DOHH: variants seen among roughly 807,000 people sequenced by gnomAD.
DOHH encodes deoxyhypusine hydroxylase, also known as HEAT-like (PBS lyase) repeat containing 1.
DOHH carries 16 observed loss-of-function variants against 19.9 expected under a neutral mutation model. The observed-to-expected ratio is 0.80, with a 90% CI of 0.54 to 1.22. The LOEUF is 1.22. Among genes scored for constraint, DOHH ranks in the 50% most tolerant of loss-of-function variants. The pLI is 0.00. For missense variants in DOHH, 460 were observed against 460.6 expected, an observed-to-expected ratio of 1.00 and a Z score of 0.01; for synonymous variants, 233 against 217.0, an observed-to-expected ratio of 1.07 and a Z score of -0.65.
Position 3,491,417 on chromosome 19 carries a change from G to C in DOHH, c.*75C>G. 7.0e-7 allele frequency: 1 copy of C among 1,436,052 alleles called. No homozygotes were observed. 89.0% of individuals were successfully genotyped at this position (1,436,052 alleles called of 1,614,324 possible). ...GATGACACCGATTTACACACACCCG[G>C]TTTAGACGCCAAAGCTCTGCGGGGG... is the stretch of plus-strand genomic sequence containing the variant. On this transcript the variant is annotated 3_prime_UTR_variant, in exon 5 of 5. Coordinates refer to ENST00000427575, the MANE Select transcript of DOHH (RefSeq NM_001145165.2). This position sits in a 1 kb window ranked among gnomAD's most constrained non-coding sequence, Gnocchi z 5.6.
At chr19:3,499,232 A>C (rs1373160505) in intron 1 of DOHH, among the ~76,000 whole-genome samples, 3 of 152,114 alleles carry the variant, frequency 2.0e-5, no homozygotes, top group Non-Finnish European at 4.4e-5. Flanking sequence ...TCACTTCCTC[A>C]TGGAAGCCTT....
chr19:3,496,915 A>G lies in DOHH; in HGVS notation c.-72-29T>C. On this transcript the variant is annotated intron_variant, in intron 1 of 4. Coordinates refer to ENST00000427575, the MANE Select transcript of DOHH (RefSeq NM_001145165.2). The surrounding 1 kb of genome is among the most constrained non-coding windows in gnomAD (Gnocchi z 4.8). ...TGGCAGAAAAATGAGAGCCCAGGTT[A>G]GAAGCCCCCTTCACCAGTGCGTTGT... 6.6e-6 allele frequency: 9 copies of G among 1,356,684 alleles called. No individual in the cohort carries two copies. Among genetic ancestry groups the G allele is most frequent in the Non-Finnish European group, 6.7e-6 (7 of 1,047,162 alleles). 84.0% of individuals were successfully genotyped at this position (1,356,684 alleles called of 1,614,324 possible).
intron 2 of DOHH, 131 bp from the exon 3 acceptor site, chr19:3,494,235 C>T (rs992122612): frequency 1.5e-5 from 11 of 719,612 alleles, no homozygotes; most frequent in Admixed American, 2.7e-5. Flanking sequence ...CTGTCCACGG[C>T]TGATTGGAGC....
At chr19:3,493,168 C>T (rs541063054) in intron 3 of DOHH, among the ~76,000 whole-genome samples, 2 of 152,224 alleles carry the variant, frequency 1.3e-5, no homozygotes, top group East Asian at 3.9e-4. Flanking sequence ...AAAGGAATGA[C>T]GGGCCGGCCG....
chr19:3,496,409 T>A lies in DOHH; in HGVS notation c.274+132A>T, dbSNP rs1397271766. On this transcript the variant is annotated intron_variant, in intron 2 of 4. Transcript: ENST00000427575. The surrounding 1 kb of genome is among the most constrained non-coding windows in gnomAD (Gnocchi z 4.8). ...CTGTCTGGCTGCAGAGCTGCAGGTA[T>A]TTACTATCTGGTGCTCTATGGGGCA... 2.2e-5 allele frequency: 30 copies of A among 1,339,368 alleles called. No individual in the cohort carries two copies. The allele number at this position is 1,339,368 out of a possible 1,614,324, so 83.0% of individuals were successfully genotyped here.
rs532448994 is a variant in DOHH at position 3,496,647 on chromosome 19, G to A, written c.168C>T (p.His56=). The A allele has an allele frequency of 1.5e-5, 24 of 1,614,014 alleles. No individual in the cohort carries two copies. The highest frequency in any genetic ancestry group is 7.7e-5 in the South Asian group (7 of 91,092). The change falls in exon 2 of 5, where the codon CAC becomes CAT. Residue 56 remains histidine, a synonymous_variant. Coordinates refer to ENST00000427575, the MANE Select transcript of DOHH (RefSeq NM_001145165.2). The surrounding 1 kb of genome is among the most constrained non-coding windows in gnomAD (Gnocchi z 4.8). ...AFDDDSALLK[H]ELAYCLGQMQ... ...TCTGGCCCAGGCAGTAGGCCAGCTC[G>A]TGCTTGAGCAGGGCGGAATCGTCAT...
chr19:3,494,551 G>A (rs1020911747), intron 2 of DOHH, among the ~76,000 whole-genome samples: 10 of 152,322 alleles, frequency 6.6e-5, no homozygotes, highest in African/African-American at 1.9e-4. Flanking sequence ...CGGGCCTGCC[G>A]GCTGGAGACT....
intron 4 of DOHH, 53 bp downstream of exon 4, chr19:3,492,209 G>A (rs2082874814): frequency 2.2e-6 from 3 of 1,390,702 alleles, no homozygotes; most frequent in Non-Finnish European, 2.8e-6. Context: ...TGCCATCACT[G>A]AACCTCACAG....
chr19:3,499,244 C>T (rs977680966), intron 1 of DOHH, among the ~76,000 whole-genome samples: 31 of 152,186 alleles, frequency 2.0e-4, no homozygotes, highest in African/African-American at 6.5e-4. Context: ...GGAAGCCTTC[C>T]CTGATCACAA....
chr19:3,495,165 C>T (rs530785487), intron 2 of DOHH, among the ~76,000 whole-genome samples: 21 of 151,972 alleles, frequency 1.4e-4, no homozygotes, highest in African/African-American at 5.1e-4. Context: ...TTAGTTGAGA[C>T]GGGGTTTCAC....
At chr19:3,493,424 A>G (rs1274755798) in intron 3 of DOHH, among the ~76,000 whole-genome samples, 1 of 152,212 alleles carries the variant, frequency 6.6e-6, no homozygotes, top group Admixed American at 6.5e-5. Context: ...CCTGGCTAAC[A>G]TGGTGAAACC....
At chr19:3,495,382 TCCTCCTGCCTCAG>T (rs1393601747) in intron 2 of DOHH, among the ~76,000 whole-genome samples, 34 of 152,318 alleles carry the variant, frequency 2.2e-4, no homozygotes, top group African/African-American at 7.5e-4. Context: ...GCTCAAGTAA[TCCTCCTGCCTCAG>T]CCTCCTGAGT....
rs57675764 is a variant in DOHH, at chr19:3,493,741, G to C, written c.351+287C>G. 9.5e-3 allele frequency among the ~76,000 whole-genome samples: 1,451 copies of C among 152,326 alleles called. 28 individuals are homozygous for C. The highest frequency in any genetic ancestry group is 0.033 in the African/African-American group (1,383 of 41,572). On this transcript the variant is annotated intron_variant, in intron 3 of 4. Transcript: ENST00000427575. Reference sequence around the variant, plus strand: ...GGGTCTTGGCAGAGGGACTGGACGTGGGGGTTCAGAGAAAGGGGGTCAGGC... The same window carrying C: ...GGGTCTTGGCAGAGGGACTGGACGTCGGGGTTCAGAGAAAGGGGGTCAGGC...
intron 1 of DOHH, among the ~76,000 whole-genome samples, chr19:3,497,919 C>G (rs1353713454): frequency 6.6e-6 from 1 of 152,210 alleles, no homozygotes; most frequent in Non-Finnish European, 1.5e-5. Context: ...GCATCAGCCA[C>G]TACCCCCAGC....
chr19:3,494,198 C>A, intron 2 of DOHH, 94 bp from the exon 3 acceptor site: 1 of 1,130,800 alleles, frequency 8.8e-7, no homozygotes, highest in Non-Finnish European at 1.3e-6. Context: ...CCTCCCAGGG[C>A]TCTGCCACTG....
At chr19:3,500,373 G>A (rs1303488919) in intron 1 of DOHH, among the ~76,000 whole-genome samples, 188 bp downstream of exon 1, 6 of 152,202 alleles carry the variant, frequency 3.9e-5, no homozygotes, top group Admixed American at 3.9e-4. Flanking sequence ...GCTTCAGGAC[G>A]TGAGGTGGGC....
At position 3,491,949 on chromosome 19, in the gene DOHH, G is replaced by A. The variant is rs1282349297; in HGVS notation, c.590-138C>T. 9.8e-7 allele frequency: 1 copy of A among 1,025,046 alleles called. No homozygotes were observed. The highest frequency in any genetic ancestry group is 1.7e-5 in the African/African-American group (1 of 58,200). The allele number at this position is 1,025,046 out of a possible 1,614,324, so 63.5% of individuals were successfully genotyped here. A position where few individuals can be genotyped will look rare whatever the true frequency, so the allele number is the denominator to read the frequency against. ...GATCTTCCCATCCCGGCCTCCCAAA[G>A]TGCTGGGACGACAGGCGTGAGCCAC... On this transcript the variant is annotated intron_variant, in intron 4 of 4. Coordinates refer to ENST00000427575, the MANE Select transcript of DOHH (RefSeq NM_001145165.2). This position sits in a 1 kb window ranked among gnomAD's most constrained non-coding sequence, Gnocchi z 5.6.
At position 3,496,038 on chromosome 19, in the gene DOHH, A is replaced by G. The variant is rs1391381642; in HGVS notation, c.274+503T>C. ...TGTTTTTTGTTTTTTCACAGACAGG[A>G]TCTCACTCTGTTGCCCAGGCTGGAG... On this transcript the variant is annotated intron_variant, in intron 2 of 4. Transcript: ENST00000427575. This position sits in a 1 kb window ranked among gnomAD's most constrained non-coding sequence, Gnocchi z 4.8. Among the ~76,000 whole-genome samples the G allele has an allele frequency of 6.6e-6, 1 of 152,064 alleles. No homozygotes were observed. Among genetic ancestry groups the G allele is most frequent in the Admixed American group, 6.6e-5 (1 of 15,264 alleles).
intron 2 of DOHH, among the ~76,000 whole-genome samples, chr19:3,495,611 C>T (rs73523881): frequency 0.081 from 12,299 of 152,124 alleles, 1,735 homozygotes; most frequent in African/African-American, 0.28. Flanking sequence ...GTTTTTAAAA[C>T]ACTTTTAAGG....
Sources: gnomAD v4.1 joint callset for allele counts (sites outside exome capture counted in the v4.1 genomes callset) on GRCh38, gnomAD v4.1.1 for gene constraint, Gnocchi (gnomAD v3.1) non-coding constraint, MANE v1.5 for transcripts, NCBI Gene and HGNC (gene_info 2026-07-23, HGNC 2026-07-21) for gene names.